Variants in POLA1 observed in about 807,000 individuals in gnomAD.
POLA1 encodes DNA polymerase alpha catalytic subunit.
A neutral mutation model predicts 124.0 loss-of-function variants in POLA1; 15 were observed. The ratio of observed to expected loss-of-function variants is 0.12; its 90% CI spans 0.08 to 0.19. The LOEUF is 0.19. POLA1 is among the 10% of genes least tolerant of loss of function. The probability of loss-of-function intolerance (pLI) is 1.00; values close to 1 mark genes in which losing one functional copy is unlikely to be tolerated. For missense variants in POLA1, 886 were observed against 1,103.4 expected, an observed-to-expected ratio of 0.80 and a Z score of 2.79; for synonymous variants, 408 against 389.4, an observed-to-expected ratio of 1.05 and a Z score of -0.56.
At chrX:24,963,637 A>T (rs1028235337) in intron 36 of POLA1, among the ~76,000 whole-genome samples, 1 of 112,028 alleles carries the variant, frequency 8.9e-6, no homozygotes, top group African/African-American at 3.2e-5. Flanking sequence ...TGTAGACTAA[A>T]TAAGATACAT....
At chrX:24,849,925 C>T (rs1429204964) in intron 34 of POLA1, among the ~76,000 whole-genome samples, 9 of 111,210 alleles carry the variant, frequency 8.1e-5, no homozygotes, top group Non-Finnish European at 1.1e-4. Flanking sequence ...CCACCACACC[C>T]GGCCAGCTAA....
intron 29 of POLA1, 69 bp downstream of exon 29, chrX:24,812,932 A>G: frequency 1.8e-6 from 1 of 557,513 alleles, no homozygotes; most frequent in African/African-American, 2.3e-5. Context: ...TGATGTAGAG[A>G]ATGCTTATGA....
chrX:24,919,910 G>A (rs2047592881), intron 35 of POLA1, among the ~76,000 whole-genome samples: 1 of 87,162 alleles, frequency 1.1e-5, no homozygotes, highest in Admixed American at 1.5e-4. Flanking sequence ...GCAGTGTCAC[G>A]ATCTCAGCTC....
intron 36 of POLA1, among the ~76,000 whole-genome samples, chrX:24,979,773 G>A (rs1479229473): frequency 1.8e-5 from 2 of 112,391 alleles, no homozygotes; most frequent in Non-Finnish European, 3.8e-5. Context: ...CCAAGGCGCT[G>A]CCCTGCAGTT....
intron 26 of POLA1, among the ~76,000 whole-genome samples, chrX:24,801,920 G>GTGTGTGTGTGTGTGTGTGTGT (rs1569317038): frequency 6.3e-5 from 3 of 47,512 alleles, no homozygotes; most frequent in East Asian, 9.6e-4. Context: ...AGGAGAGGTG[G>GTGTGTGTGTGTGTGTGTGTGT]GTGGGTGTGT....
At chrX:24,706,809 A>G (rs1207132606) in intron 4 of POLA1, among the ~76,000 whole-genome samples, 2 of 112,022 alleles carry the variant, frequency 1.8e-5, no homozygotes, top group African/African-American at 6.5e-5. Context: ...TTTTGTATTG[A>G]TTTACTATGT....
chrX:24,924,758 C>A (rs1364681530), intron 35 of POLA1, among the ~76,000 whole-genome samples: 2 of 111,753 alleles, frequency 1.8e-5, no homozygotes, highest in Non-Finnish European at 3.8e-5. Context: ...TAATCAAGAC[C>A]AGAAGGATAG....
At chrX:24,736,539 A>G (rs778327153) in intron 18 of POLA1, among the ~76,000 whole-genome samples, 1 of 111,967 alleles carries the variant, frequency 8.9e-6, no homozygotes, top group Non-Finnish European at 1.9e-5. Context: ...TAGATGTAAG[A>G]TGGAATTCTG....
intron 36 of POLA1, among the ~76,000 whole-genome samples, chrX:24,971,410 C>G (rs1272027798): frequency 8.9e-6 from 1 of 112,848 alleles, no homozygotes; most frequent in East Asian, 2.8e-4. Flanking sequence ...AAGAAAGCCT[C>G]TTTTGATGAG....
At chrX:24,988,578 G>C (rs1430017973) in intron 36 of POLA1, among the ~76,000 whole-genome samples, 1 of 112,427 alleles carries the variant, frequency 8.9e-6, no homozygotes, top group Non-Finnish European at 1.9e-5. Context: ...CAGTTCCTGT[G>C]GATATTGCAT....
At chrX:24,777,470 A>G (rs1471621790) in intron 26 of POLA1, among the ~76,000 whole-genome samples, 2 of 112,434 alleles carry the variant, frequency 1.8e-5, no homozygotes, top group African/African-American at 6.5e-5. Flanking sequence ...ATTTTTTCAA[A>G]TTAACTTTTT....
chrX:24,720,887 C>G (rs1930160753), intron 10 of POLA1, among the ~76,000 whole-genome samples: 1 of 112,387 alleles, frequency 8.9e-6, no homozygotes, highest in African/African-American at 3.2e-5. Context: ...TTCTTGGTCA[C>G]TAGCCACATT....
chrX:24,721,386 C>T (rs1032005463), intron 10 of POLA1, among the ~76,000 whole-genome samples: 3 of 112,145 alleles, frequency 2.7e-5, no homozygotes, highest in Non-Finnish European at 5.6e-5. Context: ...GGCACATCTT[C>T]TCTGTTATTG....
At chrX:24,813,809 G>A (rs1470394143) in intron 29 of POLA1, among the ~76,000 whole-genome samples, 14 of 74,300 alleles carry the variant, frequency 1.9e-4, no homozygotes, top group African/African-American at 8.0e-4. Context: ...GTGAGACGCC[G>A]TCAAAAAAAA....
chrX:24,982,619 C>G (rs976497662), intron 36 of POLA1, among the ~76,000 whole-genome samples: 2 of 110,421 alleles, frequency 1.8e-5, no homozygotes, highest in Non-Finnish European at 3.8e-5. Flanking sequence ...GAACATAATT[C>G]TCTGGTTTCT....
chrX:24,824,460 CTTTT>C (rs781633550), intron 31 of POLA1, among the ~76,000 whole-genome samples: 2 of 67,102 alleles, frequency 3.0e-5, no homozygotes, highest in Non-Finnish European at 2.8e-5. Flanking sequence ...GCCTGGCTAA[CTTTT>C]TTTTTTTTTT....
chrX:24,896,964 G>A (rs1365907810), intron 35 of POLA1, among the ~76,000 whole-genome samples: 1 of 111,959 alleles, frequency 8.9e-6, no homozygotes, highest in Admixed American at 9.5e-5. Flanking sequence ...TTTGAAGAGT[G>A]CATTTGGGAG....
chrX:24,722,919 A>C (rs1184510859), intron 10 of POLA1, among the ~76,000 whole-genome samples: 3 of 112,178 alleles, frequency 2.7e-5, no homozygotes, highest in Non-Finnish European at 5.6e-5. Flanking sequence ...TTAGAGAATC[A>C]TTCTGTCCCC....
At chrX:24,717,222 T>G in intron 8 of POLA1, 68 bp from the exon 9 acceptor site, 1 of 890,459 alleles carries the variant, frequency 1.1e-6, no homozygotes, top group Admixed American at 2.3e-5. Flanking sequence ...TGTGCGCCTT[T>G]GTGTGCCTTT....
Sources: gnomAD v4.1 joint callset for allele counts (sites outside exome capture counted in the v4.1 genomes callset) on GRCh38, gnomAD v4.1.1 for gene constraint, MANE v1.5 for transcripts, NCBI Gene and HGNC (gene_info 2026-07-23, HGNC 2026-07-21) for gene names.